Variants in GRAP observed in about 807,000 individuals in gnomAD.
GRAP encodes the protein GRB2-related adapter protein.
A neutral mutation model predicts 9.1 loss-of-function variants in GRAP; 2 were observed. The ratio of observed to expected loss-of-function variants is 0.22; its 90% CI spans 0.09 to 0.69. The LOEUF is 0.69. Among genes scored for constraint, GRAP ranks in the 30% least tolerant of loss-of-function variants. GRAP has a pLI of 0.81. For missense variants in GRAP, 113 were observed against 179.4 expected (o/e 0.63, Z 2.12); for synonymous variants, 68 against 73.6 (o/e 0.92, Z 0.39).
Position 19,024,970 on chromosome 17 carries a change from C to G in GRAP, c.300-587G>C, listed in dbSNP as rs1289961156. ...CCCATGAACCTTCCGTGGCTTCTCC[C>G]TTGGCCTCAGGGTAAACTCTTAACA... On this transcript the variant is annotated intron_variant, in intron 3 of 4. Coordinates refer to ENST00000284154, the MANE Select transcript of GRAP (RefSeq NM_006613.4). This position sits in a 1 kb window ranked among gnomAD's most constrained non-coding sequence, Gnocchi z 4.2. 6.6e-6 allele frequency among the ~76,000 whole-genome samples: 1 copy of G among 152,152 alleles called. No homozygotes were observed. The highest frequency in any genetic ancestry group is 2.4e-5 in the African/African-American group (1 of 41,434).
intron 4 of GRAP, among the ~76,000 whole-genome samples, chr17:19,023,831 G>C (rs1157094197): frequency 6.6e-6 from 1 of 152,028 alleles, no homozygotes; most frequent in Non-Finnish European, 1.5e-5. Context: ...GGCTCCCAGA[G>C]TACAGAGACC....
rs1175773391 is a variant in GRAP, at chr17:19,024,567, T to G, written c.300-184A>C. On this transcript the variant is annotated intron_variant, in intron 3 of 4. Transcript: ENST00000284154. The surrounding 1 kb of genome is among the most constrained non-coding windows in gnomAD (Gnocchi z 4.2). ...CACATGGGGTCTGGGGAGTCCCATC[T>G]GGCAGTGGAATATGGGGTTAATTTA... 1.7e-6 allele frequency: 1 copy of G among 576,956 alleles called. No individual in the cohort carries two copies. Among genetic ancestry groups the G allele is most frequent in the Non-Finnish European group, 2.2e-6 (1 of 456,700 alleles). 35.7% of individuals were successfully genotyped at this position (576,956 alleles called of 1,614,324 possible). A position where few individuals can be genotyped will look rare whatever the true frequency, so the allele number is the denominator to read the frequency against.
At chr17:19,025,285 A>T (rs1461067608) in intron 3 of GRAP, among the ~76,000 whole-genome samples, 2 of 145,210 alleles carry the variant, frequency 1.4e-5, no homozygotes, top group Non-Finnish European at 3.0e-5. Flanking sequence ...TCCGCCTCCC[A>T]GGTTCATGCC....
At chr17:19,030,400 G>T in intron 3 of GRAP, 1 of 127,580 alleles carries the variant, frequency 7.8e-6, no homozygotes, top group South Asian at 4.3e-5. Flanking sequence ...CCCGCTGGGC[G>T]ATCTCCATCA....
Position 19,021,664 on chromosome 17 carries a change from C to G in GRAP, c.*295G>C, listed in dbSNP as rs2044266279. The G allele has an allele frequency of 1.0e-5, 4 of 397,722 alleles. No homozygotes were observed. The highest frequency in any genetic ancestry group is 4.4e-6 in the Non-Finnish European group (1 of 226,018). 24.6% of individuals were successfully genotyped at this position (397,722 alleles called of 1,614,324 possible). A position where few individuals can be genotyped will look rare whatever the true frequency, so the allele number is the denominator to read the frequency against. ...CCTTCCTGGCAGATGGGGCCATTGACAAGAGGAGGTGGGCGGGGCCTCCAC... is the reference window on the plus strand; with the variant it reads ...CCTTCCTGGCAGATGGGGCCATTGAGAAGAGGAGGTGGGCGGGGCCTCCAC... On this transcript the variant is annotated 3_prime_UTR_variant, in exon 5 of 5. Transcript: ENST00000284154. This position sits in a 1 kb window ranked among gnomAD's most constrained non-coding sequence, Gnocchi z 4.1.
intron 3 of GRAP, among the ~76,000 whole-genome samples, chr17:19,025,339 C>G (rs1371069655): frequency 2.0e-5 from 3 of 150,668 alleles, no homozygotes; most frequent in African/African-American, 7.3e-5. Context: ...TTACAGGTGC[C>G]CGCCACCACG....
chr17:19,024,157 C>A lies in GRAP; in HGVS notation c.468+58G>T. On this transcript the variant is annotated intron_variant, in intron 4 of 4. Coordinates refer to ENST00000284154, the MANE Select transcript of GRAP (RefSeq NM_006613.4). This position sits in a 1 kb window ranked among gnomAD's most constrained non-coding sequence, Gnocchi z 4.2. ...GGCCTCAGTGTCAGCATCTCCCCTG[C>A]TGCAGATGGCAGGAGGTGCAGAGAG... The A allele has an allele frequency of 6.7e-7, 1 of 1,499,590 alleles. No individual in the cohort carries two copies. The highest frequency in any genetic ancestry group is 9.1e-7 in the Non-Finnish European group (1 of 1,101,870). 92.9% of individuals were successfully genotyped at this position (1,499,590 alleles called of 1,614,324 possible). A position where few individuals can be genotyped will look rare whatever the true frequency, so the allele number is the denominator to read the frequency against.
At position 19,023,580 on chromosome 17, in the gene GRAP, G is replaced by A. The variant is rs975973156; in HGVS notation, c.468+635C>T. Among the ~76,000 whole-genome samples the A allele has an allele frequency of 3.3e-5, 5 of 152,228 alleles. No homozygotes were observed. In the South Asian group the frequency reaches 8.3e-4, roughly 25 times the overall value. ...GGCCCTTGGGGCTCCTTGATGAAAG[G>A]GCTGGCTGGCAAATTGCTGTTATTG... is the stretch of plus-strand genomic sequence containing the variant. On this transcript the variant is annotated intron_variant, in intron 4 of 4. Coordinates refer to ENST00000284154, the MANE Select transcript of GRAP (RefSeq NM_006613.4).
At chr17:19,023,332 T>G (rs2044287915) in intron 4 of GRAP, among the ~76,000 whole-genome samples, 1 of 151,610 alleles carries the variant, frequency 6.6e-6, no homozygotes, top group African/African-American at 2.4e-5. Flanking sequence ...GGTGGGGAGG[T>G]GCTAGGAACA....
intron 3 of GRAP, among the ~76,000 whole-genome samples, chr17:19,025,132 GC>G (rs1378181738): frequency 6.6e-6 from 1 of 151,474 alleles, no homozygotes; most frequent in Non-Finnish European, 1.5e-5. Flanking sequence ...CCGCCAAATC[GC>G]CCCGAGTACC....
chr17:19,051,052 A>G (rs2044394765), upstream of GRAP, among the ~76,000 whole-genome samples: 2 of 140,222 alleles, frequency 1.4e-5, no homozygotes, highest in African/African-American at 4.9e-5. Flanking sequence ...AAAAAAAAAA[A>G]AAAAGAAAGA....
upstream of GRAP, chr17:19,047,433 AC>A (rs1433109073): frequency 1.5e-5 from 1 of 64,660 alleles, no homozygotes; most frequent in Admixed American, 1.7e-4. Flanking sequence ...CACCACCTCC[AC>A]CTGCCCCTAC....
chr17:19,022,853 A>G (rs1267928481), intron 4 of GRAP, among the ~76,000 whole-genome samples: 1 of 152,158 alleles, frequency 6.6e-6, no homozygotes, highest in Non-Finnish European at 1.5e-5. Flanking sequence ...AGGATGGGTG[A>G]TAGGATCAGC....
At chr17:19,025,634 G>T (rs1386623607) in intron 3 of GRAP, among the ~76,000 whole-genome samples, 1 of 140,392 alleles carries the variant, frequency 7.1e-6, no homozygotes, top group African/African-American at 2.7e-5. Flanking sequence ...TTTTTTTGAG[G>T]CGTAGTCTCG....
intron 3 of GRAP, among the ~76,000 whole-genome samples, chr17:19,025,188 TC>T (rs2044304610): frequency 6.9e-6 from 1 of 144,438 alleles, no homozygotes; most frequent in Admixed American, 7.1e-5. Flanking sequence ...TTTTTTCTTT[TC>T]TTTTCTTTTT....
At chr17:19,048,597 T>C (rs1361395641), upstream of GRAP, among the ~76,000 whole-genome samples, 5 of 74,294 alleles carry the variant, frequency 6.7e-5, no homozygotes, top group Middle Eastern at 5.2e-3. Context: ...CCTTTTGACA[T>C]GGACCCATCA....
chr17:19,048,098 T>A (rs1597931402), upstream of GRAP, among the ~76,000 whole-genome samples: 1 of 90,034 alleles, frequency 1.1e-5, no homozygotes, highest in Admixed American at 1.4e-4. Context: ...ACTCAAGCGA[T>A]CCTCCTGCCT....
In GRAP at chr17:19,024,254, C is replaced by T. The variant is rs200201794; in HGVS notation, c.429G>A (p.Lys143=). 3.4e-4 allele frequency: 542 copies of T among 1,603,436 alleles called. 1 individual carries two copies. The highest frequency in any genetic ancestry group is 4.5e-4 in the Non-Finnish European group (524 of 1,174,974). Reference sequence around the variant, plus strand: ...CCTCGTCGCGCAGGAAGATCTGCCGCTTCTTGGCGATGGTGGTGGTGCGGT... The same window carrying T: ...CCTCGTCGCGCAGGAAGATCTGCCGTTTCTTGGCGATGGTGGTGGTGCGGT... The part of the protein sequence containing the change: ...DFYRTTTIAK[K]RQIFLRDEEP... Residue 143 remains lysine, a synonymous_variant, in exon 4 of 5, where the codon AAG becomes AAA. Coordinates refer to ENST00000284154, the MANE Select transcript of GRAP (RefSeq NM_006613.4). The surrounding 1 kb of genome is among the most constrained non-coding windows in gnomAD (Gnocchi z 4.2).
At chr17:19,029,875 G>T (rs1427940494) in intron 3 of GRAP, among the ~76,000 whole-genome samples, 2 of 34,748 alleles carry the variant, frequency 5.8e-5, no homozygotes, top group Non-Finnish European at 1.7e-4. Context: ...GAGGGAGGGG[G>T]CACTGGGATT....
Sources: gnomAD v4.1 joint callset for allele counts (sites outside exome capture counted in the v4.1 genomes callset) on GRCh38, gnomAD v4.1.1 for gene constraint, Gnocchi (gnomAD v3.1) non-coding constraint, MANE v1.5 for transcripts, NCBI Gene and HGNC (gene_info 2026-07-23, HGNC 2026-07-21) for gene names.